RPN1: variants seen among roughly 807,000 people sequenced by gnomAD.
The protein encoded by RPN1 is dolichyl-diphosphooligosaccharide--protein glycosyltransferase subunit 1.
RPN1 carries 12 observed loss-of-function variants against 55.5 expected under a neutral mutation model. The observed-to-expected ratio is 0.22, with a 90% CI of 0.14 to 0.35. RPN1 has a LOEUF of 0.35. Ranked by LOEUF, RPN1 falls within the 10% of genes least tolerant of loss-of-function variation. RPN1 has a pLI of 1.00. For missense variants in RPN1, 679 were observed against 761.3 expected (o/e 0.89, Z 1.27); for synonymous variants, 317 against 305.9 (o/e 1.04, Z -0.38).
rs755885661 is a variant in RPN1, at chr3:128,620,727, TC to T, written c.1642-135del. The T allele has an allele frequency of 4.3e-6, 4 of 936,220 alleles. No homozygotes were observed. In the African/African-American group the frequency reaches 4.9e-5, roughly 12 times the overall value. 58.0% of individuals were successfully genotyped at this position (936,220 alleles called of 1,614,324 possible). Reference sequence around the variant, plus strand: ...CACAAATGCAGCCAACAGCACAGTGTCCCAGGGCAGCAGGGCTGGCTATGGA... The same window carrying T: ...CACAAATGCAGCCAACAGCACAGTGTCCAGGGCAGCAGGGCTGGCTATGGA... On this transcript the variant is annotated intron_variant, in intron 9 of 9. Transcript: ENST00000296255.
At chr3:128,635,643 A>ATC (rs1268076187) in intron 3 of RPN1, among the ~76,000 whole-genome samples, 7 of 7,266 alleles carry the variant, frequency 9.6e-4, no homozygotes, top group Admixed American at 1.8e-3. Flanking sequence ...ATATATAGAT[A>ATC]TATATATATA....
intron 3 of RPN1, among the ~76,000 whole-genome samples, chr3:128,635,781 AAT>A (rs2069677793): frequency 2.0e-5 from 3 of 149,868 alleles, no homozygotes; most frequent in African/African-American, 4.9e-5. Flanking sequence ...TATATATATA[AAT>A]ATATAAGTGC....
At chr3:128,645,097 T>G in intron 1 of RPN1, 114 bp from the exon 2 acceptor site, 1 of 650,816 alleles carries the variant, frequency 1.5e-6, no homozygotes, top group Non-Finnish European at 2.8e-6. Flanking sequence ...CTATCAGAAC[T>G]TTTTAGAGAT....
chr3:128,646,306 A>G (rs1045442124), intron 1 of RPN1, among the ~76,000 whole-genome samples: 1 of 151,502 alleles, frequency 6.6e-6, no homozygotes, highest in Non-Finnish European at 1.5e-5. Context: ...ACTGGTTTCG[A>G]ACTCTTGGGC....
In RPN1 at chr3:128,620,212, TTA is replaced by T; in HGVS notation, c.*197_*198del. ...GGAGTTTTTTTAAAGTTTTCTTTTT[TTA>T]AAAAAAAAAAAAAAGAAAGTTAAGG... is the stretch of plus-strand genomic sequence containing the variant. On this transcript the variant is annotated 3_prime_UTR_variant, in exon 10 of 10. Transcript: ENST00000296255. 9 of 394,732 alleles carry T rather than the reference TTA, an allele frequency of 2.3e-5. No homozygotes were observed. The highest frequency in any genetic ancestry group is 6.3e-5 in the African/African-American group (3 of 47,994). 24.5% of individuals were successfully genotyped at this position (394,732 alleles called of 1,614,324 possible).
At chr3:128,649,431 T>C (rs938652051) in intron 1 of RPN1, among the ~76,000 whole-genome samples, 1 of 152,204 alleles carries the variant, frequency 6.6e-6, no homozygotes, top group African/African-American at 2.4e-5. Context: ...TGATCTATCT[T>C]TCCACAAGCC....
intron 9 of RPN1, among the ~76,000 whole-genome samples, chr3:128,621,933 C>T (rs573969546): frequency 7.9e-5 from 12 of 152,348 alleles, no homozygotes; most frequent in Middle Eastern, 6.8e-3. Context: ...CACAAGGGCA[C>T]GCAGTGCTGA....
intron 3 of RPN1, among the ~76,000 whole-genome samples, chr3:128,634,818 C>T (rs1205500144): frequency 6.6e-6 from 1 of 152,052 alleles, no homozygotes; most frequent in Non-Finnish European, 1.5e-5. Context: ...ACCTTGGCCT[C>T]CTAAAGTGCC....
At position 128,620,387 on chromosome 3, in the gene RPN1, C is replaced by T. The variant is rs1256470464; in HGVS notation, c.*24G>A. On this transcript the variant is annotated 3_prime_UTR_variant, in exon 10 of 10. Coordinates refer to ENST00000296255, the MANE Select transcript of RPN1 (RefSeq NM_002950.4). Reference sequence around the variant, plus strand: ...CACAGCAAAGTGCAGGCACCCTGGGCCCCCTGGAGGATGCGGGCAGGGGCT... The same window carrying T: ...CACAGCAAAGTGCAGGCACCCTGGGTCCCCTGGAGGATGCGGGCAGGGGCT... The T allele has an allele frequency of 6.3e-7, 1 of 1,595,198 alleles. No homozygotes were observed. The highest frequency in any genetic ancestry group is 1.3e-5 in the African/African-American group (1 of 74,562).
At chr3:128,640,634 T>C (rs1388928402) in intron 2 of RPN1, among the ~76,000 whole-genome samples, 1 of 152,194 alleles carries the variant, frequency 6.6e-6, no homozygotes, top group African/African-American at 2.4e-5. Context: ...TGATCCCAAG[T>C]CTTGATCTCT....
rs1162000512 is a variant in RPN1, at chr3:128,628,294, GA to G, written c.1037-1463del. ...CCAGCCTGGGCAACAAAGTGAGACA[GA>G]AAAAAAAAAAAGAAAAATTCAGAAA... is the stretch of plus-strand genomic sequence containing the variant. On this transcript the variant is annotated intron_variant, in intron 5 of 9. Coordinates refer to ENST00000296255, the MANE Select transcript of RPN1 (RefSeq NM_002950.4). Among the ~76,000 whole-genome samples, 256 of 40,516 alleles carry G rather than the reference GA, an allele frequency of 6.3e-3. 1 individual carries two copies. Among genetic ancestry groups the G allele is most frequent in the Non-Finnish European group, 0.01 (182 of 17,558 alleles). The allele number at this position is 40,516 out of a possible 152,430, so 26.6% of individuals were successfully genotyped here. A position where few individuals can be genotyped will look rare whatever the true frequency, so the allele number is the denominator to read the frequency against.
At position 128,620,271 on chromosome 3, in the gene RPN1, G is replaced by T; in HGVS notation, c.*140C>A. The T allele has an allele frequency of 1.8e-6, 1 of 554,684 alleles. No individual in the cohort carries two copies. Among genetic ancestry groups the T allele is most frequent in the Non-Finnish European group, 2.9e-6 (1 of 346,542 alleles). 34.4% of individuals were successfully genotyped at this position (554,684 alleles called of 1,614,324 possible). On this transcript the variant is annotated 3_prime_UTR_variant, in exon 10 of 10. Coordinates refer to ENST00000296255, the MANE Select transcript of RPN1 (RefSeq NM_002950.4). Reference sequence around the variant, plus strand: ...GGCAAACTCACACTGCCTGACGCAGGGCCTGGTTTCTCTTCCTTGAAGGCC... The same window carrying T: ...GGCAAACTCACACTGCCTGACGCAGTGCCTGGTTTCTCTTCCTTGAAGGCC...
At chr3:128,642,954 T>C (rs1016398195) in intron 2 of RPN1, among the ~76,000 whole-genome samples, 2 of 150,694 alleles carry the variant, frequency 1.3e-5, no homozygotes, top group East Asian at 1.9e-4. Context: ...GAGGCGGAGG[T>C]TGCAGTGAGC....
rs1576794767 is a variant in RPN1, at chr3:128,632,062, A to G, written c.729T>C (p.Ala243=). The part of the protein sequence containing the change: ...VIEVSHWGNI[A]VEENVDLKHT... ...GCTTTAAGTCCACATTTTCTTCCAC[A>G]GCAATATTACCCCAGTGAGAGACTT... Residue 243 remains alanine (A), a synonymous_variant, in exon 4 of 10, where the codon GCT becomes GCC. Coordinates refer to ENST00000296255, the MANE Select transcript of RPN1 (RefSeq NM_002950.4). The G allele has an allele frequency of 1.2e-6, 2 of 1,614,180 alleles. No homozygotes were observed. The highest frequency in any genetic ancestry group is 1.7e-6 in the Non-Finnish European group (2 of 1,180,050).
chr3:128,635,634 TATATAG>T (rs1316474320), intron 3 of RPN1, among the ~76,000 whole-genome samples: 360 of 22,984 alleles, frequency 0.016, 2 homozygotes, highest in African/African-American at 0.05. Flanking sequence ...TATATATATA[TATATAG>T]ATATATATAT....
Position 128,638,098 on chromosome 3 carries a change from A to C in RPN1, c.334T>G (p.Phe112Val), listed in dbSNP as rs759148419. ...GCAACTGGGAGCTTGACTGTGAAGA[A>C]TCTCCCACTAAAGGAAGAACAAGGC... ...ETKIKGKSGR[F>V]FTVKLPVALD... is the part of the protein sequence containing the mutation. Residue 112 changes from phenylalanine to valine, a missense_variant, in exon 3 of 10, where the codon TTC (phenylalanine) becomes GTC (valine). Phe to Val is a conservative substitution (Grantham distance 50, BLOSUM62 -1). Around this residue, in one of 3 missense-constraint regions of RPN1, gnomAD observed 352 missense variants for 352.8 expected, o/e 1.00. Transcript: ENST00000296255. The C allele has an allele frequency of 6.2e-7, 1 of 1,611,318 alleles. No individual in the cohort carries two copies. Among genetic ancestry groups the C allele is most frequent in the Non-Finnish European group, 8.5e-7 (1 of 1,177,636 alleles).
chr3:128,633,167 T>C (rs1360596552), intron 3 of RPN1, among the ~76,000 whole-genome samples: 1 of 152,232 alleles, frequency 6.6e-6, no homozygotes, highest in Middle Eastern at 3.4e-3. Flanking sequence ...TCCTAAAAAA[T>C]TGATTAAATC....
chr3:128,638,472 G>C (rs1482088487), intron 2 of RPN1, among the ~76,000 whole-genome samples: 1 of 152,030 alleles, frequency 6.6e-6, no homozygotes, highest in South Asian at 2.1e-4. Flanking sequence ...TGTCTTAGAA[G>C]ACTTAAATTA....
chr3:128,649,182 CTAA>C (rs894594556), intron 1 of RPN1, among the ~76,000 whole-genome samples: 1 of 152,104 alleles, frequency 6.6e-6, no homozygotes, highest in African/African-American at 2.4e-5. Context: ...TTTGAATATA[CTAA>C]TAATAGGCAG....
Sources: allele counts gnomAD v4.1 joint callset (sites outside exome capture counted in the v4.1 genomes callset), GRCh38; gene constraint gnomAD v4.1.1; regional missense constraint gnomAD v4.1.1; transcripts MANE v1.5; gene names NCBI Gene and HGNC (gene_info 2026-07-23, HGNC 2026-07-21).